The following SLC30A4 variants were observed in gnomAD, a reference collection of about 807,000 sequenced individuals.
SLC30A4 encodes the protein probable proton-coupled zinc antiporter SLC30A4.
A neutral mutation model predicts 41.7 loss-of-function variants in SLC30A4; 20 were observed. The observed-to-expected ratio is 0.48, with a 90% CI of 0.34 to 0.70. The LOEUF (loss-of-function observed/expected upper bound fraction) is 0.70. Ranked by LOEUF, SLC30A4 falls within the 30% of genes least tolerant of loss-of-function variation. SLC30A4 has a pLI of 0.01. For missense variants in SLC30A4, 441 were observed against 529.3 expected, an observed-to-expected ratio of 0.83 and a Z score of 1.64; for synonymous variants, 181 against 195.9, an observed-to-expected ratio of 0.92 and a Z score of 0.64.
At position 45,481,879 on chromosome 15, in the gene SLC30A4, CTT is replaced by C. The variant is rs1456767342; in HGVS notation, c.*3282_*3283del. The C allele has an allele frequency of 2.6e-5, 4 of 151,676 alleles. No individual in the cohort carries two copies. The highest frequency in any genetic ancestry group is 5.9e-5 in the Non-Finnish European group (4 of 67,966). The allele number at this position is 151,676 out of a possible 1,614,324, so 9.4% of individuals were successfully genotyped here. On this transcript the variant is annotated 3_prime_UTR_variant, in exon 8 of 8. Transcript: ENST00000261867. ...TCCTACAAAAACAAAGCACAGGAAA[CTT>C]TATGTGTACCTCACTTTAAGCAGAA...
intron 1 of SLC30A4, 46 bp from the exon 2 acceptor site, chr15:45,522,514 T>G: frequency 7.4e-6 from 5 of 675,694 alleles, no homozygotes; most frequent in East Asian, 3.0e-5. Flanking sequence ...CCCAACCCTG[T>G]CCTCAAGTTC....
chr15:45,517,791 A>G (rs540405511), intron 2 of SLC30A4, among the ~76,000 whole-genome samples: 2 of 151,934 alleles, frequency 1.3e-5, no homozygotes, highest in Non-Finnish European at 2.9e-5. Flanking sequence ...TACTAAAAAT[A>G]CAAAATATTA....
At position 45,479,644 on chromosome 15, in the gene SLC30A4, A is replaced by G. The variant is rs1359592527; in HGVS notation, c.*5519T>C. On this transcript the variant is annotated 3_prime_UTR_variant, in exon 8 of 8. Transcript: ENST00000261867. ...TTTCAGTTTTATTTCTTAAACATAT[A>G]AGAGGGCATTATAAAATGACATTAT... 6.6e-6 allele frequency: 1 copy of G among 152,102 alleles called. No individual in the cohort carries two copies. The highest frequency in any genetic ancestry group is 1.5e-5 in the Non-Finnish European group (1 of 68,022). 9.4% of individuals were successfully genotyped at this position (152,102 alleles called of 1,614,324 possible).
rs1438418082 is a variant in SLC30A4, at chr15:45,480,782, A to G, written c.*4381T>C. The G allele has an allele frequency of 6.6e-6, 1 of 151,966 alleles. No individual in the cohort carries two copies. Among genetic ancestry groups the G allele is most frequent in the Non-Finnish European group, 1.5e-5 (1 of 68,016 alleles). 9.4% of individuals were successfully genotyped at this position (151,966 alleles called of 1,614,324 possible). A position where few individuals can be genotyped will look rare whatever the true frequency, so the allele number is the denominator to read the frequency against. On this transcript the variant is annotated 3_prime_UTR_variant, in exon 8 of 8. Transcript: ENST00000261867. ...AGCTAACTGCTTGTTTCAAAATCAA[A>G]TAAGTCTACAAAAGCTGTGAGAGTG...
chr15:45,492,056 C>T (rs754291469), intron 3 of SLC30A4, among the ~76,000 whole-genome samples: 19 of 151,958 alleles, frequency 1.3e-4, no homozygotes, highest in African/African-American at 4.3e-4. Flanking sequence ...AATAGTATTA[C>T]CTTTTTAGAG....
chr15:45,483,851 A>G lies in SLC30A4; in HGVS notation c.*1312T>C, dbSNP rs1891648900. Reference sequence around the variant, plus strand: ...GCCACTGCACTCCAGCCTGGGTGACAGAGTGAGACTCTCTCAAGAACAAAA... The same window carrying G: ...GCCACTGCACTCCAGCCTGGGTGACGGAGTGAGACTCTCTCAAGAACAAAA... On this transcript the variant is annotated 3_prime_UTR_variant, in exon 8 of 8. Transcript: ENST00000261867. 1 of 152,360 alleles carries G rather than the reference A, an allele frequency of 6.6e-6. No homozygotes were observed. Among genetic ancestry groups the G allele is most frequent in the South Asian group, 2.1e-4 (1 of 4,832 alleles). The allele number at this position is 152,360 out of a possible 1,614,324, so 9.4% of individuals were successfully genotyped here.
At chr15:45,506,806 T>A (rs939002896) in intron 3 of SLC30A4, among the ~76,000 whole-genome samples, 20 of 152,304 alleles carry the variant, frequency 1.3e-4, no homozygotes, top group African/African-American at 4.8e-4. Context: ...ATTCCCTCCC[T>A]TTCATTTTTT....
At chr15:45,507,889 T>C (rs1373318014) in intron 3 of SLC30A4, among the ~76,000 whole-genome samples, 1 of 152,196 alleles carries the variant, frequency 6.6e-6, no homozygotes, top group African/African-American at 2.4e-5. Flanking sequence ...TCCCACATGC[T>C]GGAAGATTCT....
Position 45,505,950 on chromosome 15 carries a change from C to T in SLC30A4, c.538+5188G>A, listed in dbSNP as rs183206980. On this transcript the variant is annotated intron_variant, in intron 3 of 7. Transcript: ENST00000261867. ...ATCCCAGCACTTTGGGAGGCCGAGGCGGGTGGATCACTTGATCTCAAGAGT... is the reference window on the plus strand; with the variant it reads ...ATCCCAGCACTTTGGGAGGCCGAGGTGGGTGGATCACTTGATCTCAAGAGT... Among the ~76,000 whole-genome samples, 22 of 152,138 alleles carry T rather than the reference C, an allele frequency of 1.4e-4. No individual in the cohort carries two copies. In the East Asian group the frequency reaches 3.5e-3, roughly 24 times the overall value.
chr15:45,492,157 T>G (rs1891822818), intron 3 of SLC30A4, among the ~76,000 whole-genome samples: 1 of 150,118 alleles, frequency 6.7e-6, no homozygotes, highest in Admixed American at 6.7e-5. Flanking sequence ...TAGAAACACC[T>G]GCATGTGTGC....
intron 3 of SLC30A4, chr15:45,503,031 TAC>T: frequency 6.6e-6 from 1 of 152,042 alleles, no homozygotes; most frequent in Non-Finnish European, 1.5e-5. Context: ...AAAGATAATT[TAC>T]ACACGAATTT....
intron 7 of SLC30A4, among the ~76,000 whole-genome samples, chr15:45,486,127 ATTCT>A (rs1891700523): frequency 6.6e-6 from 1 of 151,490 alleles, no homozygotes; most frequent in Non-Finnish European, 1.5e-5. Context: ...AGTTCAGGCA[ATTCT>A]CCTGCCTCAG....
Position 45,487,593 on chromosome 15 carries a change from A to ATAT in SLC30A4, c.933_934insATA (p.Val311_Phe312insIle), listed in dbSNP as rs1190910017. On this transcript the variant is annotated inframe_insertion, in exon 6 of 8. Transcript: ENST00000261867. ...GTTGTAAAAGCCACAAGTAATGAAA[A>ATAT]TACGTATGTACAGATGGGGTCAGCA... 6.3e-7 allele frequency: 1 copy of ATAT among 1,582,298 alleles called. No homozygotes were observed. The highest frequency in any genetic ancestry group is 1.1e-5 in the South Asian group (1 of 90,314).
intron 3 of SLC30A4, among the ~76,000 whole-genome samples, chr15:45,496,023 T>G (rs546030808): frequency 4.8e-4 from 73 of 152,222 alleles, no homozygotes; most frequent in Admixed American, 1.4e-3. Context: ...AAATGTCTTC[T>G]GGGATAGAGT....
At chr15:45,490,168 T>C (rs766954869) in intron 4 of SLC30A4, among the ~76,000 whole-genome samples, 1 of 152,202 alleles carries the variant, frequency 6.6e-6, no homozygotes, top group Non-Finnish European at 1.5e-5. Context: ...CATAGCTCAA[T>C]GCAGTCTTGA....
chr15:45,518,820 C>T (rs889841105), intron 2 of SLC30A4, among the ~76,000 whole-genome samples: 2 of 152,104 alleles, frequency 1.3e-5, no homozygotes, highest in African/African-American at 2.4e-5. Context: ...AGGCTCCCAA[C>T]GTGCTGGGAT....
At position 45,482,908 on chromosome 15, in the gene SLC30A4, C is replaced by A. The variant is rs1891625142; in HGVS notation, c.*2255G>T. The stretch of plus-strand genomic sequence containing the variant: ...CTGGGCTAAAGCACTTCTGCCACAG[C>A]CTTACAAGTAGCTGATACTACAGGT... On this transcript the variant is annotated 3_prime_UTR_variant, in exon 8 of 8. Transcript: ENST00000261867. 6.6e-6 allele frequency: 1 copy of A among 152,180 alleles called. No individual in the cohort carries two copies. Among genetic ancestry groups the A allele is most frequent in the African/African-American group, 2.4e-5 (1 of 41,434 alleles). The allele number at this position is 152,180 out of a possible 1,614,324, so 9.4% of individuals were successfully genotyped here. A position where few individuals can be genotyped will look rare whatever the true frequency, so the allele number is the denominator to read the frequency against.
chr15:45,520,936 T>C (rs1595534905), intron 2 of SLC30A4: 1 of 431,146 alleles, frequency 2.3e-6, no homozygotes, highest in Non-Finnish European at 4.7e-6. Flanking sequence ...TTGAACGCCT[T>C]AGAGGCAAAA....
intron 3 of SLC30A4, among the ~76,000 whole-genome samples, chr15:45,500,331 C>A (rs914867700): frequency 2.6e-5 from 4 of 152,156 alleles, no homozygotes; most frequent in African/African-American, 9.7e-5. Flanking sequence ...CACAATTCTG[C>A]AATACAAATA....
Sources: gnomAD v4.1 joint callset for allele counts (sites outside exome capture counted in the v4.1 genomes callset) on GRCh38, gnomAD v4.1.1 for gene constraint, MANE v1.5 for transcripts, NCBI Gene and HGNC (gene_info 2026-07-23, HGNC 2026-07-21) for gene names.